Variants in KATNIP observed in about 807,000 individuals in gnomAD.
The protein encoded by KATNIP is katanin interacting protein.
Under a neutral mutation model 174.0 loss-of-function variants are expected in KATNIP, and 126 were observed. The ratio of observed to expected loss-of-function variants is 0.72; its 90% CI spans 0.63 to 0.84. KATNIP has a LOEUF of 0.84. Among genes scored for constraint, KATNIP ranks in the 40% least tolerant of loss-of-function variants. The probability of loss-of-function intolerance (pLI) is 0.00; values close to 1 mark genes in which losing one functional copy is unlikely to be tolerated. For synonymous variants in KATNIP, 810 were observed against 835.7 expected (o/e 0.97, Z 0.53); for missense variants, 1,958 against 2,109.7 (o/e 0.93, Z 1.41).
chr16:27,597,277 C>T (rs1289257972), intron 2 of KATNIP, among the ~76,000 whole-genome samples: 1 of 152,118 alleles, frequency 6.6e-6, no homozygotes, highest in African/African-American at 2.4e-5. Flanking sequence ...TAAGGCCAGT[C>T]TTCCCATCCT....
In KATNIP at chr16:27,740,691, T is replaced by A. The variant is rs746389556; in HGVS notation, c.2394T>A (p.Pro798=). 1.2e-6 allele frequency: 2 copies of A among 1,614,108 alleles called. No homozygotes were observed. The highest frequency in any genetic ancestry group is 1.7e-5 in the Admixed American group (1 of 60,020). Residue 798 remains proline (P), a synonymous_variant, in exon 15 of 28, where the codon CCT becomes CCA. Transcript: ENST00000261588. ...LPSDDVIGEG[P]GETEARDKGL... The stretch of plus-strand genomic sequence containing the variant: ...CAGACGATGTCATCGGTGAGGGTCC[T>A]GGAGAGACCGAGGCCAGGGATAAAG...
chr16:27,770,609 G>A (rs2082264189), intron 21 of KATNIP, among the ~76,000 whole-genome samples: 1 of 152,198 alleles, frequency 6.6e-6, no homozygotes, highest in African/African-American at 2.4e-5. Context: ...TTGTAACATT[G>A]CCCTTGAAAT....
chr16:27,551,699 A>G (rs1385887970), intron 1 of KATNIP, among the ~76,000 whole-genome samples: 1 of 152,200 alleles, frequency 6.6e-6, no homozygotes, highest in African/African-American at 2.4e-5. Flanking sequence ...AGCCTGGCCA[A>G]CATGGTGAAA....
At chr16:27,613,281 A>C (rs2075950995) in intron 2 of KATNIP, among the ~76,000 whole-genome samples, 1 of 152,184 alleles carries the variant, frequency 6.6e-6, no homozygotes, top group South Asian at 2.1e-4. Flanking sequence ...TTCAAAAAGA[A>C]AAAAAGAATC....
chr16:27,667,711 G>A (rs1022575976), intron 6 of KATNIP, among the ~76,000 whole-genome samples: 1 of 152,082 alleles, frequency 6.6e-6, no homozygotes, highest in Non-Finnish European at 1.5e-5. Context: ...CTTCTAATAG[G>A]CAGATTCAGT....
intron 13 of KATNIP, among the ~76,000 whole-genome samples, chr16:27,709,388 G>A (rs879572921): frequency 7.3e-5 from 11 of 151,498 alleles, no homozygotes; most frequent in Admixed American, 2.0e-4. Flanking sequence ...TTGAGAGGCC[G>A]AGGCGAGTGG....
At chr16:27,659,941 G>T in intron 6 of KATNIP, 1 of 933,598 alleles carries the variant, frequency 1.1e-6, no homozygotes, top group Non-Finnish European at 1.3e-6. Flanking sequence ...CCCCAGTTTG[G>T]CCTGGTCCCC....
At chr16:27,707,553 C>T (rs896389338) in intron 12 of KATNIP, among the ~76,000 whole-genome samples, 1 of 152,240 alleles carries the variant, frequency 6.6e-6, no homozygotes, top group African/African-American at 2.4e-5. Context: ...GGTGTCATGT[C>T]CTCTTCCCCA....
chr16:27,683,411 G>A (rs1444201380), intron 8 of KATNIP, among the ~76,000 whole-genome samples: 1 of 152,194 alleles, frequency 6.6e-6, no homozygotes, highest in African/African-American at 2.4e-5. Context: ...CTCCAGTGGG[G>A]CAGAGCTATC....
chr16:27,759,034 G>A (rs1348138692), intron 18 of KATNIP, among the ~76,000 whole-genome samples: 1 of 152,214 alleles, frequency 6.6e-6, no homozygotes, highest in Non-Finnish European at 1.5e-5. Context: ...AAACCCAATA[G>A]TTTTCGTTTG....
At chr16:27,707,233 T>C (rs975114463) in intron 12 of KATNIP, among the ~76,000 whole-genome samples, 2 of 152,184 alleles carry the variant, frequency 1.3e-5, no homozygotes, top group African/African-American at 4.8e-5. Context: ...CCCATGCTAA[T>C]TAACAGAGGG....
At position 27,778,528 on chromosome 16, in the gene KATNIP, G is replaced by T. The variant is rs760214844; in HGVS notation, c.4802-46G>T. 16 of 1,598,620 alleles carry T rather than the reference G, an allele frequency of 1.0e-5. No individual in the cohort carries two copies. The East Asian group carries it at 3.6e-4, about 36-fold the overall frequency. On this transcript the variant is annotated intron_variant, in intron 27 of 27. Coordinates refer to ENST00000261588, the MANE Select transcript of KATNIP (RefSeq NM_015202.5). ...GGGGAGTGTGGGGCACCCCTCCAGG[G>T]TTTGAGACTTAGTAACTCTGGTCCC...
At chr16:27,634,463 G>A (rs1314966769) in intron 5 of KATNIP, among the ~76,000 whole-genome samples, 1 of 152,206 alleles carries the variant, frequency 6.6e-6, no homozygotes. Context: ...TGCCAGGAGA[G>A]CGGCTGCCTA....
At position 27,655,177 on chromosome 16, in the gene KATNIP, G is replaced by GATAGAT. The variant is rs1407225408; in HGVS notation, c.540+6445_540+6446insGATATA. Among the ~76,000 whole-genome samples the GATAGAT allele has an allele frequency of 2.6e-4, 10 of 38,548 alleles. 1 individual carries two copies. The highest frequency in any genetic ancestry group is 1.1e-3 in the South Asian group (1 of 870). 25.3% of individuals were successfully genotyped at this position (38,548 alleles called of 152,430 possible). On this transcript the variant is annotated intron_variant, in intron 6 of 27. Transcript: ENST00000261588. ...CGCTGGGCTGCTACCCCCTAGAATG[G>GATAGAT]ATATATATATATATATATATATATA...
At chr16:27,715,952 G>A (rs2079913853) in intron 13 of KATNIP, among the ~76,000 whole-genome samples, 2 of 149,224 alleles carry the variant, frequency 1.3e-5, no homozygotes, top group African/African-American at 2.5e-5. Flanking sequence ...GCATACCCAG[G>A]ATAACTAAAA....
At chr16:27,642,769 ATTTTTTTTTT>A (rs143123046) in intron 5 of KATNIP, among the ~76,000 whole-genome samples, 1 of 125,588 alleles carries the variant, frequency 8.0e-6, no homozygotes, top group Admixed American at 8.7e-5. Flanking sequence ...TTTTTAAAAA[ATTTTTTTTTT>A]TTTTTTTTTG....
chr16:27,668,640 T>C (rs2077774122), intron 6 of KATNIP, among the ~76,000 whole-genome samples: 1 of 152,236 alleles, frequency 6.6e-6, no homozygotes, highest in Non-Finnish European at 1.5e-5. Flanking sequence ...CATGTGACCT[T>C]GAACTTGTAC....
At chr16:27,713,842 A>ATG (rs1334587600) in intron 13 of KATNIP, among the ~76,000 whole-genome samples, 1 of 71,064 alleles carries the variant, frequency 1.4e-5, no homozygotes, top group African/African-American at 5.6e-5. Context: ...ATATATATAT[A>ATG]TATATATATA....
At position 27,771,547 on chromosome 16, in the gene KATNIP, C is replaced by T. The variant is rs567249625; in HGVS notation, c.4134-41C>T. On this transcript the variant is annotated intron_variant, in intron 21 of 27. Transcript: ENST00000261588. ...GGGTAACTGGCTGGTGATTCTGGGC[C>T]GTCGTGAGCTTCTTCATGGTGCTGT... The T allele has an allele frequency of 2.7e-5, 43 of 1,593,110 alleles. No individual in the cohort carries two copies. The South Asian group carries it at 3.4e-4, about 13-fold the overall frequency.
Sources: gnomAD v4.1 joint callset for allele counts (sites outside exome capture counted in the v4.1 genomes callset) on GRCh38, gnomAD v4.1.1 for gene constraint, MANE v1.5 for transcripts, NCBI Gene and HGNC (gene_info 2026-07-23, HGNC 2026-07-21) for gene names.